The following MEMO1 variants were observed in gnomAD, a reference collection of about 807,000 sequenced individuals.
The protein encoded by MEMO1 is protein MEMO1.
In MEMO1, 6 loss-of-function variants were observed where a neutral mutation model predicts 45.2. The ratio of observed to expected loss-of-function variants is 0.13; its 90% CI spans 0.07 to 0.26. The LOEUF (loss-of-function observed/expected upper bound fraction) is 0.26, where lower values mean the gene tolerates loss of function less well. Ranked by LOEUF, MEMO1 falls within the 10% of genes least tolerant of loss-of-function variation. The pLI is 1.00. For synonymous variants in MEMO1, 78 were observed against 124.3 expected (o/e 0.63, Z 2.48); for missense variants, 184 against 370.5 (o/e 0.50, Z 4.13).
chr2:31,908,168 G>A (rs1481261160), intron 6 of MEMO1, among the ~76,000 whole-genome samples: 1 of 152,136 alleles, frequency 6.6e-6, no homozygotes, highest in East Asian at 1.9e-4. Context: ...GCTCAGATTT[G>A]TAAATGTCTA....
chr2:31,953,697 T>C (rs1667102740), intron 2 of MEMO1, among the ~76,000 whole-genome samples: 1 of 152,066 alleles, frequency 6.6e-6, no homozygotes, highest in Admixed American at 6.5e-5. Flanking sequence ...CCTCAAATGA[T>C]CCGCCCACCT....
chr2:31,988,742 TACA>T (rs1418954496), intron 2 of MEMO1, among the ~76,000 whole-genome samples: 2 of 152,190 alleles, frequency 1.3e-5, no homozygotes, highest in African/African-American at 2.4e-5. Flanking sequence ...CCCTTAAGTA[TACA>T]ACTTCTTAAT....
chr2:31,959,624 A>T (rs1667782849), intron 2 of MEMO1, among the ~76,000 whole-genome samples: 1 of 152,186 alleles, frequency 6.6e-6, no homozygotes, highest in African/African-American at 2.4e-5. Flanking sequence ...AAGATGAGGT[A>T]CAAGAAAATG....
chr2:31,934,205 C>T (rs1207358698), intron 3 of MEMO1, among the ~76,000 whole-genome samples: 1 of 152,142 alleles, frequency 6.6e-6, no homozygotes, highest in Non-Finnish European at 1.5e-5. Flanking sequence ...CTAATCCTTA[C>T]ACCTTAAACT....
chr2:31,928,970 G>C (rs957901707), intron 4 of MEMO1, among the ~76,000 whole-genome samples: 9 of 152,104 alleles, frequency 5.9e-5, no homozygotes, highest in African/African-American at 2.2e-4. Flanking sequence ...TTCTAAGCCA[G>C]TAACTATATA....
At chr2:31,955,079 A>G (rs147012638) in intron 2 of MEMO1, among the ~76,000 whole-genome samples, 2 of 152,018 alleles carry the variant, frequency 1.3e-5, no homozygotes, top group African/African-American at 4.8e-5. Flanking sequence ...CATCTCCACA[A>G]AAAAATACAA....
At chr2:31,876,055 A>C (rs1466192855) in intron 8 of MEMO1, among the ~76,000 whole-genome samples, 1 of 152,168 alleles carries the variant, frequency 6.6e-6, no homozygotes, top group Non-Finnish European at 1.5e-5. Context: ...GACCTTAAAA[A>C]TAATTCAAAT....
intron 5 of MEMO1, among the ~76,000 whole-genome samples, chr2:31,920,168 C>T (rs998482478): frequency 2.0e-4 from 31 of 151,658 alleles, no homozygotes; most frequent in Non-Finnish European, 3.5e-4. Flanking sequence ...ATTACTCCCC[C>T]CCCCAAAAGA....
intron 2 of MEMO1, among the ~76,000 whole-genome samples, chr2:31,975,089 T>G (rs1485305928): frequency 6.6e-6 from 1 of 151,292 alleles, no homozygotes; most frequent in Non-Finnish European, 1.5e-5. Context: ...GGAGAATCGC[T>G]TGAAACTGGG....
At chr2:32,005,147 T>G (rs1673899448) in intron 2 of MEMO1, among the ~76,000 whole-genome samples, 1 of 151,586 alleles carries the variant, frequency 6.6e-6, no homozygotes, top group South Asian at 2.1e-4. Flanking sequence ...ATCTTACAAA[T>G]GTAACACCGA....
At chr2:31,937,151 G>T (rs941088321) in intron 3 of MEMO1, among the ~76,000 whole-genome samples, 1 of 152,026 alleles carries the variant, frequency 6.6e-6, no homozygotes, top group Non-Finnish European at 1.5e-5. Flanking sequence ...TATTTTGTAG[G>T]CATTGCTCAA....
At chr2:31,943,448 C>CA (rs1665848970) in intron 2 of MEMO1, 65 bp from the exon 3 acceptor site, 1 of 1,166,828 alleles carries the variant, frequency 8.6e-7, no homozygotes. Flanking sequence ...ACATATGTGG[C>CA]ATAAAGCCCT....
chr2:31,986,421 G>C (rs1004106066), intron 2 of MEMO1, among the ~76,000 whole-genome samples: 2 of 152,050 alleles, frequency 1.3e-5, no homozygotes, highest in Non-Finnish European at 2.9e-5. Flanking sequence ...GCAGTGAGCC[G>C]AGGTTGCGCC....
chr2:31,991,622 A>T (rs563987523), intron 2 of MEMO1, among the ~76,000 whole-genome samples: 53 of 152,158 alleles, frequency 3.5e-4, no homozygotes, highest in African/African-American at 1.2e-3. Flanking sequence ...AAAAGTTTTT[A>T]ATTTAAAATT....
chr2:31,898,272 T>C (rs1346030499), intron 6 of MEMO1, among the ~76,000 whole-genome samples: 1 of 152,184 alleles, frequency 6.6e-6, no homozygotes, highest in Non-Finnish European at 1.5e-5. Context: ...TGAATTTGTT[T>C]CCTCTTGCTT....
At chr2:32,000,233 ATT>A (rs753896973) in intron 2 of MEMO1, among the ~76,000 whole-genome samples, 1 of 139,358 alleles carries the variant, frequency 7.2e-6, no homozygotes. Flanking sequence ...CTTTTTACTT[ATT>A]TTTTTTTTTT....
chr2:31,939,691 C>T (rs1269836032), intron 3 of MEMO1, among the ~76,000 whole-genome samples: 2 of 152,110 alleles, frequency 1.3e-5, no homozygotes, highest in African/African-American at 4.8e-5. Context: ...AATCAAGGAT[C>T]CCTCTTAGGT....
At chr2:31,948,223 T>A (rs1342097023) in intron 2 of MEMO1, among the ~76,000 whole-genome samples, 1 of 152,204 alleles carries the variant, frequency 6.6e-6, no homozygotes, top group Non-Finnish European at 1.5e-5. Context: ...AAGATCTATT[T>A]TAGATACCAG....
intron 6 of MEMO1, among the ~76,000 whole-genome samples, chr2:31,902,437 G>T (rs553706315): frequency 7.2e-5 from 11 of 151,860 alleles, no homozygotes; most frequent in Non-Finnish European, 1.5e-4. Flanking sequence ...TTACATGAGT[G>T]AATTTTAGTG....
Sources: gnomAD v4.1 joint callset for allele counts (sites outside exome capture counted in the v4.1 genomes callset) on GRCh38, gnomAD v4.1.1 for gene constraint, MANE v1.5 for transcripts, NCBI Gene and HGNC (gene_info 2026-07-23, HGNC 2026-07-21) for gene names.